The following SEC24B variants were observed in gnomAD, a reference collection of about 807,000 sequenced individuals.
SEC24B encodes protein transport protein Sec24B.
In SEC24B, 45 loss-of-function variants were observed where a neutral mutation model predicts 142.8. The ratio of observed to expected loss-of-function variants is 0.32; its 90% CI spans 0.25 to 0.40. The LOEUF is 0.40. SEC24B is among the 10% of genes least tolerant of loss of function. SEC24B has a pLI of 1.00. For missense variants in SEC24B, 1,409 were observed against 1,526.8 expected (o/e 0.92, Z 1.29); for synonymous variants, 574 against 568.2 (o/e 1.01, Z -0.15).
chr4:109,538,406 G>C, intron 22 of SEC24B, 87 bp from the exon 23 acceptor site: 1 of 815,920 alleles, frequency 1.2e-6, no homozygotes, highest in South Asian at 1.5e-5. Context: ...CTGGCAGTTG[G>C]GGGTGATGGT....
intron 22 of SEC24B, 76 bp from the exon 23 acceptor site, chr4:109,538,417 A>G (rs1725794433): frequency 2.2e-6 from 2 of 913,644 alleles, no homozygotes; most frequent in Admixed American, 1.8e-5. Flanking sequence ...GGGTGATGGT[A>G]GGAATCATGA....
At chr4:109,518,568 G>A (rs1460214432) in intron 11 of SEC24B, among the ~76,000 whole-genome samples, 1 of 152,160 alleles carries the variant, frequency 6.6e-6, no homozygotes, top group African/African-American at 2.4e-5. Context: ...ATCTTGGCCT[G>A]AAAGGAAACT....
intron 18 of SEC24B, among the ~76,000 whole-genome samples, chr4:109,529,241 A>G (rs1249273788): frequency 6.6e-6 from 1 of 152,116 alleles, no homozygotes; most frequent in Non-Finnish European, 1.5e-5. Context: ...TGTATATCAG[A>G]TTTATTTCTT....
chr4:109,455,652 C>T (rs1730592039), intron 1 of SEC24B, among the ~76,000 whole-genome samples: 1 of 152,200 alleles, frequency 6.6e-6, no homozygotes, highest in Non-Finnish European at 1.5e-5. Context: ...GTTGAAAGAA[C>T]TATCTTTCCT....
chr4:109,504,520 T>G (rs934224060), intron 6 of SEC24B, among the ~76,000 whole-genome samples: 1 of 152,142 alleles, frequency 6.6e-6, no homozygotes, highest in Non-Finnish European at 1.5e-5. Context: ...ATTTAACTTA[T>G]TTCTGTTTCA....
At chr4:109,440,809 A>G (rs1339237293) in intron 1 of SEC24B, among the ~76,000 whole-genome samples, 1 of 152,192 alleles carries the variant, frequency 6.6e-6, no homozygotes, top group Non-Finnish European at 1.5e-5. Context: ...GCACTCAGTT[A>G]AGTGAACTTG....
At chr4:109,489,663 GAT>G (rs1453113780) in intron 4 of SEC24B, among the ~76,000 whole-genome samples, 26 of 146,774 alleles carry the variant, frequency 1.8e-4, no homozygotes, top group African/African-American at 6.0e-4. Flanking sequence ...GTATATATAT[GAT>G]ATATACATGT....
intron 1 of SEC24B, among the ~76,000 whole-genome samples, chr4:109,455,139 G>A (rs967538301): frequency 2.0e-5 from 3 of 152,084 alleles, no homozygotes; most frequent in African/African-American, 7.2e-5. Flanking sequence ...ACCTTCAGAG[G>A]GCCAAGGGGA....
chr4:109,466,849 C>A (rs976680020), intron 2 of SEC24B, among the ~76,000 whole-genome samples: 1 of 152,128 alleles, frequency 6.6e-6, no homozygotes, highest in Non-Finnish European at 1.5e-5. Flanking sequence ...AAAGTATAAA[C>A]CTGAGTTAAG....
At position 109,463,634 on chromosome 4, in the gene SEC24B, A is replaced by G. The variant is rs33911248; in HGVS notation, c.867A>G (p.Pro289=). Residue 289 remains proline, a synonymous_variant, in exon 2 of 24, where the codon CCA becomes CCG. Transcript: ENST00000265175. The stretch of plus-strand genomic sequence containing the variant: ...CCCTGGCTGTAGCGAACAACAACCC[A>G]ACCATTACTGGTAGGTTGAATGAAA... ...TGSLAVANNN[P]TITVADSLSC... 176,731 of 1,611,796 alleles carry G rather than the reference A, an allele frequency of 0.11. 10,443 individuals are homozygous for G. Among genetic ancestry groups the G allele is most frequent in the Middle Eastern group, 0.15 (926 of 6,056 alleles).
chr4:109,533,572 T>C (rs1725166244), intron 21 of SEC24B, 21 bp from the exon 22 acceptor site: 6 of 1,475,414 alleles, frequency 4.1e-6, no homozygotes, highest in Non-Finnish European at 5.7e-6. Context: ...GTTTTAATAT[T>C]TTGTTGCTTT....
chr4:109,460,429 C>T (rs1490279978), intron 1 of SEC24B, among the ~76,000 whole-genome samples: 1 of 152,018 alleles, frequency 6.6e-6, no homozygotes, highest in Non-Finnish European at 1.5e-5. Flanking sequence ...TGTTTCCTTC[C>T]ACAAGACAGA....
chr4:109,530,895 C>CAAAAAAA (rs35997146), intron 19 of SEC24B, among the ~76,000 whole-genome samples: 44 of 46,290 alleles, frequency 9.5e-4, no homozygotes, highest in Non-Finnish European at 1.2e-3. Flanking sequence ...GACTCCGTCT[C>CAAAAAAA]AAAAAAAAAA....
In SEC24B at chr4:109,448,781, G is replaced by A. The variant is rs531141099; in HGVS notation, c.134-14120G>A. 1.8e-3 allele frequency among the ~76,000 whole-genome samples: 268 copies of A among 152,222 alleles called. 1 individual carries two copies. The highest frequency in any genetic ancestry group is 5.9e-3 in the African/African-American group (244 of 41,542). On this transcript the variant is annotated intron_variant, in intron 1 of 23. Coordinates refer to ENST00000265175, the MANE Select transcript of SEC24B (RefSeq NM_006323.5). ...TTATCAAAACCAGGAAATTAACATT[G>A]GTGAAATAAAATTAACTGCAAATTT...
At chr4:109,449,545 A>G (rs1729844620) in intron 1 of SEC24B, 1 of 454,898 alleles carries the variant, frequency 2.2e-6, no homozygotes, top group South Asian at 1.6e-5. Flanking sequence ...TATTTTCACA[A>G]CAGTTCTGGA....
Position 109,539,832 on chromosome 4 carries a change from AAG to A in SEC24B, c.*159_*160del, listed in dbSNP as rs1726001694. On this transcript the variant is annotated 3_prime_UTR_variant, in exon 24 of 24. Coordinates refer to ENST00000265175, the MANE Select transcript of SEC24B (RefSeq NM_006323.5). ...CTTTGGTAAAAAGTAAAGGGGAAGA[AAG>A]AACTTGACAGATCTTTTTCAACTCA... 1.7e-6 allele frequency: 1 copy of A among 587,400 alleles called. No individual in the cohort carries two copies. Among genetic ancestry groups the A allele is most frequent in the Non-Finnish European group, 3.0e-6 (1 of 333,842 alleles). 36.4% of individuals were successfully genotyped at this position (587,400 alleles called of 1,614,324 possible).
At chr4:109,518,225 T>A (rs1043345282) in intron 11 of SEC24B, among the ~76,000 whole-genome samples, 5 of 152,168 alleles carry the variant, frequency 3.3e-5, no homozygotes, top group African/African-American at 1.2e-4. Flanking sequence ...CTGGCTCTAA[T>A]TCCCTCCTCT....
At position 109,512,045 on chromosome 4, in the gene SEC24B, G is replaced by A. The variant is rs763875158; in HGVS notation, c.1865G>A (p.Arg622His). The change falls in exon 9 of 24, where the codon CGT becomes CAT. Residue 622 changes from arginine to histidine, a missense_variant. Transcript: ENST00000265175. ...INPFVSFIDQ[R>H]RWKCNLCYRV... ...CCCTTTGTATCCTTCATTGATCAAC[G>A]TAGATGGAAATGCAATTTGTGCTAT... The A allele has an allele frequency of 1.4e-5, 23 of 1,613,006 alleles. No homozygotes were observed. The highest frequency in any genetic ancestry group is 1.8e-5 in the Non-Finnish European group (21 of 1,179,366).
At chr4:109,500,510 C>T (rs1736008615) in intron 6 of SEC24B, among the ~76,000 whole-genome samples, 2 of 144,164 alleles carry the variant, frequency 1.4e-5, no homozygotes, top group South Asian at 4.4e-4. Context: ...CAGCAGTGCA[C>T]ACCAGCCTGG....
Sources: gnomAD v4.1 joint callset for allele counts (sites outside exome capture counted in the v4.1 genomes callset) on GRCh38, gnomAD v4.1.1 for gene constraint, MANE v1.5 for transcripts, NCBI Gene and HGNC (gene_info 2026-07-23, HGNC 2026-07-21) for gene names.